The following ZNF229 variants were observed in gnomAD, a reference collection of about 807,000 sequenced individuals.
The protein encoded by ZNF229 is zinc finger protein 229.
ZNF229 carries 10 observed loss-of-function variants against 11.8 expected under a neutral mutation model. The ratio of observed to expected loss-of-function variants is 0.85; its 90% CI spans 0.52 to 1.44. The LOEUF is 1.44. Among genes scored for constraint, ZNF229 ranks in the 40% most tolerant of loss-of-function variants. ZNF229 has a pLI of 0.00. For synonymous variants in ZNF229, 368 were observed against 374.8 expected (o/e 0.98, Z 0.21); for missense variants, 1,045 against 1,015.1 (o/e 1.03, Z -0.40).
At chr19:44,431,417 A>G (rs1971720394) in intron 5 of ZNF229, among the ~76,000 whole-genome samples, 1 of 152,122 alleles carries the variant, frequency 6.6e-6, no homozygotes, top group African/African-American at 2.4e-5. Context: ...ACCAGGGACT[A>G]GTACAATACT....
At chr19:44,441,381 C>T (rs1365144320) in intron 4 of ZNF229, among the ~76,000 whole-genome samples, 1 of 152,038 alleles carries the variant, frequency 6.6e-6, no homozygotes, top group African/African-American at 2.4e-5. Flanking sequence ...ATCAAATCTT[C>T]AAAATTATTT....
chr19:44,442,771 A>C lies in ZNF229; in HGVS notation c.34+43T>G, dbSNP rs8100065. 6,065 of 1,606,636 alleles carry C rather than the reference A, an allele frequency of 3.8e-3. 90 individuals carry two copies. The highest frequency in any genetic ancestry group is 0.038 in the African/African-American group (2,819 of 74,682). ...ATCCAACTTTTTCTCCTCCACACTC[A>C]GTTTGGATTCTCCCCCCACCCACCC... On this transcript the variant is annotated intron_variant, in intron 3 of 5. Coordinates refer to ENST00000614049, the MANE Select transcript of ZNF229 (RefSeq NM_014518.4).
At position 44,437,688 on chromosome 19, in the gene ZNF229, C is replaced by T. The variant is rs536643791; in HGVS notation, c.93+4875G>A. Among the ~76,000 whole-genome samples, 25 of 152,172 alleles carry T rather than the reference C, an allele frequency of 1.6e-4. 1 individual carries two copies. The South Asian group carries it at 5.2e-3, about 32-fold the overall frequency. ...CACACACATGTTCACTGCAGCACTACTGACAATAGAAAAGACATGAAATCA... is the reference window on the plus strand; with the variant it reads ...CACACACATGTTCACTGCAGCACTATTGACAATAGAAAAGACATGAAATCA... On this transcript the variant is annotated intron_variant, in intron 4 of 5. Coordinates refer to ENST00000614049, the MANE Select transcript of ZNF229 (RefSeq NM_014518.4).
chr19:44,432,939 G>A (rs560636686), intron 4 of ZNF229, among the ~76,000 whole-genome samples: 14 of 152,112 alleles, frequency 9.2e-5, no homozygotes, highest in African/African-American at 2.7e-4. Context: ...TGTTCAGCCC[G>A]GTGTGTCAAC....
At chr19:44,433,483 G>C (rs1971759884) in intron 4 of ZNF229, among the ~76,000 whole-genome samples, 1 of 151,990 alleles carries the variant, frequency 6.6e-6, no homozygotes, top group African/African-American at 2.4e-5. Context: ...CTCATGACTT[G>C]GCGCTATCTT....
chr19:44,428,124 GAA>G lies in ZNF229; in HGVS notation c.*177_*178del, dbSNP rs1164610426. The G allele has an allele frequency of 1.6e-6, 1 of 640,772 alleles. No individual in the cohort carries two copies. The highest frequency in any genetic ancestry group is 2.8e-5 in the East Asian group (1 of 35,996). 39.7% of individuals were successfully genotyped at this position (640,772 alleles called of 1,614,324 possible). The stretch of plus-strand genomic sequence containing the variant: ...CTCTTAAAGACTGAAGTTTGTAACT[GAA>G]GTGCTAACCTATTTATCACACATCC... On this transcript the variant is annotated 3_prime_UTR_variant, in exon 6 of 6. Coordinates refer to ENST00000614049, the MANE Select transcript of ZNF229 (RefSeq NM_014518.4).
At position 44,429,818 on chromosome 19, in the gene ZNF229, A is replaced by T. The variant is rs779458875; in HGVS notation, c.963T>A (p.Val321=). The part of the protein sequence containing the change: ...HQRVPTGEKS[V]KSLERGRGVR... ...CGCCCCGACCACGCTCAAGACTCTTAACAGATTTCTCTCCTGTGGGAACTC... is the reference window on the plus strand; with the variant it reads ...CGCCCCGACCACGCTCAAGACTCTTTACAGATTTCTCTCCTGTGGGAACTC... Residue 321 remains valine (V), a synonymous_variant, in exon 6 of 6, where the codon GTT becomes GTA. Coordinates refer to ENST00000614049, the MANE Select transcript of ZNF229 (RefSeq NM_014518.4). 35 of 1,613,980 alleles carry T rather than the reference A, an allele frequency of 2.2e-5. No homozygotes were observed. The East Asian group carries it at 5.6e-4, about 26-fold the overall frequency.
At chr19:44,436,082 G>A (rs1191251935) in intron 4 of ZNF229, among the ~76,000 whole-genome samples, 1 of 152,182 alleles carries the variant, frequency 6.6e-6, no homozygotes, top group Non-Finnish European at 1.5e-5. Flanking sequence ...TAGATACAAG[G>A]AGACCACATT....
At chr19:44,431,904 C>T in intron 5 of ZNF229, 1 of 721,330 alleles carries the variant, frequency 1.4e-6, no homozygotes, top group Non-Finnish European at 1.7e-6. Flanking sequence ...GGAGGTGGAA[C>T]CCCCAGGAAA....
Position 44,429,487 on chromosome 19 carries a change from G to C in ZNF229, c.1294C>G (p.Pro432Ala), listed in dbSNP as rs755842705. 6.2e-7 allele frequency: 1 copy of C among 1,613,888 alleles called. No homozygotes were observed. The highest frequency in any genetic ancestry group is 8.5e-7 in the Non-Finnish European group (1 of 1,179,990). The change falls in exon 6 of 6, where the codon CCC (proline) becomes GCC (alanine). Residue 432 changes from proline (P) to alanine (A), a missense_variant. By Grantham distance (27) the Pro-to-Ala change is conservative (BLOSUM62 -1). Transcript: ENST00000614049. ...TTGCCACACTCGCTGCAGGTGTAGG[G>C]CTTCTCCCCTGTGTGCAGCCTCTGA... ...VHQRLHTGEK[P>A]YTCSECGKGF...
Position 44,428,582 on chromosome 19 carries a change from C to G in ZNF229, c.2199G>C (p.Val733=), listed in dbSNP as rs1329829721. The G allele has an allele frequency of 6.2e-7, 1 of 1,612,992 alleles. No individual in the cohort carries two copies. Among genetic ancestry groups the G allele is most frequent in the Non-Finnish European group, 8.5e-7 (1 of 1,179,818 alleles). The part of the protein sequence containing the change: ...YGSGLLSHKR[V]HTGEKPYRCH... The stretch of plus-strand genomic sequence containing the variant: ...ATCTGTATGGCTTCTCGCCAGTGTG[C>G]ACTCTCTTATGACTAAGGAGACCTG... The change falls in exon 6 of 6, where the codon GTG becomes GTC. Residue 733 remains valine, a synonymous_variant. Coordinates refer to ENST00000614049, the MANE Select transcript of ZNF229 (RefSeq NM_014518.4).
In ZNF229 at chr19:44,428,394, T is replaced by C. The variant is rs1286274444; in HGVS notation, c.2387A>G (p.Tyr796Cys). 3.1e-6 allele frequency: 5 copies of C among 1,614,112 alleles called. No homozygotes were observed. The highest frequency in any genetic ancestry group is 3.4e-6 in the Non-Finnish European group (4 of 1,180,032). Residue 796 changes from tyrosine (Y) to cysteine (C), a missense_variant, in exon 6 of 6, where the codon TAT (tyrosine) becomes TGT (cysteine). Transcript: ENST00000614049. ...GCCTTTCCCACACACACCACACGTATAGGGCTTCTCTCCAGTGTGGACTCT... is the reference window on the plus strand; with the variant it reads ...GCCTTTCCCACACACACCACACGTACAGGGCTTCTCTCCAGTGTGGACTCT... ...HQRVHTGEKP[Y>C]TCGVCGKGFS... is the part of the protein sequence containing the mutation.
rs746138206 is a variant in ZNF229, at chr19:44,428,410, T to C, written c.2371A>G (p.Thr791Ala). Reference sequence around the variant, plus strand: ...CCACACGTATAGGGCTTCTCTCCAGTGTGGACTCTCTGATGAACATGAAGA... The same window carrying C: ...CCACACGTATAGGGCTTCTCTCCAGCGTGGACTCTCTGATGAACATGAAGA... ...SCLHVHQRVH[T>A]GEKPYTCGVC... The change falls in exon 6 of 6, where the codon ACT becomes GCT. Residue 791 changes from threonine (T) to alanine (A), a missense_variant. Thr to Ala is a moderately conservative substitution (Grantham distance 58, BLOSUM62 0). Coordinates refer to ENST00000614049, the MANE Select transcript of ZNF229 (RefSeq NM_014518.4). The C allele has an allele frequency of 1.9e-6, 3 of 1,614,062 alleles. No individual in the cohort carries two copies. Among genetic ancestry groups the C allele is most frequent in the South Asian group, 2.2e-5 (2 of 91,070 alleles).
Position 44,430,072 on chromosome 19 carries a change from C to T in ZNF229, c.709G>A (p.Asp237Asn), listed in dbSNP as rs1413521159. The change falls in exon 6 of 6, where the codon GAC becomes AAC. Residue 237 changes from aspartate to asparagine, a missense_variant. Physicochemically the swap from Asp to Asn is conservative, Grantham distance 23. Coordinates refer to ENST00000614049, the MANE Select transcript of ZNF229 (RefSeq NM_014518.4). ...CATTTATTGCAACCACACGGCTTGT[C>T]TATTTCAGGGAATCTGTGATCAACA... ...CHVDHRFPEIDKPCGCNKCRK... is the reference protein window; with the variant it reads ...CHVDHRFPEINKPCGCNKCRK... The T allele has an allele frequency of 6.2e-7, 1 of 1,614,136 alleles. No individual in the cohort carries two copies. The highest frequency in any genetic ancestry group is 8.5e-7 in the Non-Finnish European group (1 of 1,180,040).
At position 44,443,038 on chromosome 19, in the gene ZNF229, A is replaced by G. The variant is rs1971944269; in HGVS notation, c.-177-14T>C. The G allele has an allele frequency of 6.2e-6, 4 of 642,114 alleles. No homozygotes were observed. Among genetic ancestry groups the G allele is most frequent in the Admixed American group, 5.7e-5 (2 of 35,158 alleles). The allele number at this position is 642,114 out of a possible 1,614,324, so 39.8% of individuals were successfully genotyped here. A position where few individuals can be genotyped will look rare whatever the true frequency, so the allele number is the denominator to read the frequency against. On this transcript the variant is annotated splice_polypyrimidine_tract_variant and intron_variant, in intron 2 of 5. Coordinates refer to ENST00000614049, the MANE Select transcript of ZNF229 (RefSeq NM_014518.4). Reference sequence around the variant, plus strand: ...TGGTCAGGGGACCTGTAGGTTCGGGAGGGAACTTTACTTAGTCCTTTCTTC... The same window carrying G: ...TGGTCAGGGGACCTGTAGGTTCGGGGGGGAACTTTACTTAGTCCTTTCTTC...
At chr19:44,440,296 G>GAAAAGA (rs1971885967) in intron 4 of ZNF229, among the ~76,000 whole-genome samples, 1 of 150,736 alleles carries the variant, frequency 6.6e-6, no homozygotes, top group Non-Finnish European at 1.5e-5. Flanking sequence ...AAAGAAGAAA[G>GAAAAGA]AAAAGAAAAA....
Position 44,430,015 on chromosome 19 carries a change from G to C in ZNF229, c.766C>G (p.His256Asp), listed in dbSNP as rs1399480695. Residue 256 changes from histidine to aspartate, a missense_variant, in exon 6 of 6, where the codon CAT becomes GAT. By Grantham distance (81) the His-to-Asp change is moderately conservative. Coordinates refer to ENST00000614049, the MANE Select transcript of ZNF229 (RefSeq NM_014518.4). ...RKDCIKNSVLHRINPGENGLK... is the reference protein window; with the variant it reads ...RKDCIKNSVLDRINPGENGLK... ...CCATTCTCTCCAGGGTTAATGCGAT[G>C]AAGTACAGAGTTTTTAATGCAGTCT... 6.2e-7 allele frequency: 1 copy of C among 1,614,036 alleles called. No individual in the cohort carries two copies. Among genetic ancestry groups the C allele is most frequent in the Non-Finnish European group, 8.5e-7 (1 of 1,180,054 alleles).
chr19:44,446,996 C>T (rs886064777), intron 2 of ZNF229, among the ~76,000 whole-genome samples: 36 of 152,246 alleles, frequency 2.4e-4, no homozygotes, highest in Non-Finnish European at 3.8e-4. Flanking sequence ...GAAGCATAAG[C>T]GCAAAGACCT....
intron 3 of ZNF229, 32 bp downstream of exon 3, chr19:44,442,782 T>TCGC: frequency 2.4e-5 from 37 of 1,545,156 alleles, no homozygotes; most frequent in Non-Finnish European, 3.2e-5. Context: ...GTTTGGATTC[T>TCGC]CCCCCCACCC....
Sources: allele counts gnomAD v4.1 joint callset (sites outside exome capture counted in the v4.1 genomes callset), GRCh38; gene constraint gnomAD v4.1.1; transcripts MANE v1.5; gene names NCBI Gene and HGNC (gene_info 2026-07-23, HGNC 2026-07-21).